Variants in NFIA observed in about 807,000 individuals in gnomAD.
The protein encoded by NFIA is nuclear factor I A, also known as nuclear factor 1 A-type.
A neutral mutation model predicts 62.8 loss-of-function variants in NFIA; 8 were observed. That is an observed-to-expected ratio of 0.13 (90% confidence interval 0.07 to 0.23). The LOEUF is 0.23. Among genes scored for constraint, NFIA ranks in the 10% least tolerant of loss-of-function variants. NFIA has a pLI of 1.00. For synonymous variants in NFIA, 235 were observed against 238.1 expected, an observed-to-expected ratio of 0.99 and a Z score of 0.12; for missense variants, 410 against 642.1, an observed-to-expected ratio of 0.64 and a Z score of 3.91.
intron 2 of NFIA, among the ~76,000 whole-genome samples, chr1:61,205,377 T>G (rs1652826299): frequency 6.6e-6 from 1 of 152,178 alleles, no homozygotes; most frequent in Non-Finnish European, 1.5e-5. Flanking sequence ...CTCAATTGTC[T>G]TAGCAGTTGT....
intron 2 of NFIA, among the ~76,000 whole-genome samples, chr1:61,257,386 G>A (rs1293849311): frequency 7.3e-6 from 1 of 136,346 alleles, no homozygotes. Context: ...CACCCAGGCT[G>A]GAGTGCAGTG....
chr1:61,189,740 C>T (rs188700565), intron 2 of NFIA, among the ~76,000 whole-genome samples: 1 of 152,270 alleles, frequency 6.6e-6, no homozygotes, highest in East Asian at 1.9e-4. Flanking sequence ...TCAGTAAGTT[C>T]ACTGCTAGTG....
Position 61,461,426 on chromosome 1 carries a change from T to A in NFIA, c.*6106T>A, listed in dbSNP as rs1364191993. On this transcript the variant is annotated 3_prime_UTR_variant, in exon 11 of 11. Transcript: ENST00000403491. Reference sequence around the variant, plus strand: ...GTTTGCTATTAACACGGGATTTTTTTAATATACTTTTTTTGGTCTAAATTT... The same window carrying A: ...GTTTGCTATTAACACGGGATTTTTTAAATATACTTTTTTTGGTCTAAATTT... 1 of 152,240 alleles carries A rather than the reference T, an allele frequency of 6.6e-6. No homozygotes were observed. Among genetic ancestry groups the A allele is most frequent in the Admixed American group, 6.5e-5 (1 of 15,282 alleles). 9.4% of individuals were successfully genotyped at this position (152,240 alleles called of 1,614,324 possible). A position where few individuals can be genotyped will look rare whatever the true frequency, so the allele number is the denominator to read the frequency against.
intron 2 of NFIA, among the ~76,000 whole-genome samples, chr1:61,146,660 T>C (rs1322646572): frequency 6.6e-6 from 1 of 152,198 alleles, no homozygotes; most frequent in Non-Finnish European, 1.5e-5. Flanking sequence ...TGTAAGTGAC[T>C]CCATGATCAA....
At chr1:61,433,049 T>C (rs909181703) in intron 10 of NFIA, among the ~76,000 whole-genome samples, 1 of 152,222 alleles carries the variant, frequency 6.6e-6, no homozygotes, top group Admixed American at 6.5e-5. Flanking sequence ...AATACTTATC[T>C]GCATCCCCAG....
chr1:61,114,015 T>A (rs1646753914), intron 2 of NFIA, among the ~76,000 whole-genome samples: 1 of 151,912 alleles, frequency 6.6e-6, no homozygotes, highest in Admixed American at 6.6e-5. Flanking sequence ...AAAACAAGAG[T>A]AGAGTGACAG....
intron 2 of NFIA, among the ~76,000 whole-genome samples, chr1:61,194,346 C>T (rs1335350657): frequency 6.6e-5 from 10 of 152,152 alleles, no homozygotes. Flanking sequence ...CTGAAAGACA[C>T]CATGTCTCAG....
In NFIA at chr1:61,422,577, C is replaced by T. The variant is rs183385827; in HGVS notation, c.1421-3888C>T. On this transcript the variant is annotated intron_variant, in intron 9 of 10. Coordinates refer to ENST00000403491, the MANE Select transcript of NFIA (RefSeq NM_001134673.4). The stretch of plus-strand genomic sequence containing the variant: ...ATTTGTTTGGCTAGCAGTCAGTAAG[C>T]CACATTCATTTCTGAGGACGTAGAG... 1.6e-3 allele frequency among the ~76,000 whole-genome samples: 241 copies of T among 152,118 alleles called. 1 individual carries two copies. Among genetic ancestry groups the T allele is most frequent in the African/African-American group, 5.6e-3 (233 of 41,514 alleles).
At chr1:61,425,293 G>A (rs79836337) in intron 9 of NFIA, among the ~76,000 whole-genome samples, 2,885 of 152,162 alleles carry the variant, frequency 0.019, 37 homozygotes, top group Non-Finnish European at 0.032. Flanking sequence ...AAAACAGAAA[G>A]CCAGAGTAAG....
chr1:61,118,945 C>T (rs867430447), intron 2 of NFIA, among the ~76,000 whole-genome samples: 7 of 151,842 alleles, frequency 4.6e-5, no homozygotes, highest in Non-Finnish European at 7.4e-5. Flanking sequence ...AGAGGAGGAT[C>T]GCTTTGATCT....
At chr1:61,297,912 G>A (rs1201945203) in intron 3 of NFIA, among the ~76,000 whole-genome samples, 1 of 152,142 alleles carries the variant, frequency 6.6e-6, no homozygotes, top group Non-Finnish European at 1.5e-5. Flanking sequence ...CACCCCCAAA[G>A]GCATAGTGTG....
At chr1:61,108,091 C>G (rs1252427611) in intron 2 of NFIA, among the ~76,000 whole-genome samples, 10 of 151,630 alleles carry the variant, frequency 6.6e-5, no homozygotes, top group Non-Finnish European at 1.5e-5. Flanking sequence ...TTTCACACCT[C>G]TTTTTGAAAT....
At chr1:61,174,523 G>T (rs947945203) in intron 2 of NFIA, among the ~76,000 whole-genome samples, 3 of 152,182 alleles carry the variant, frequency 2.0e-5, no homozygotes, top group Non-Finnish European at 1.5e-5. Flanking sequence ...TGTTACTCCT[G>T]GTCTCATCTG....
chr1:61,277,617 T>C, intron 3 of NFIA, 32 bp downstream of exon 3: 2 of 1,609,578 alleles, frequency 1.2e-6, no homozygotes, highest in African/African-American at 1.3e-5. Flanking sequence ...AGCTGCTGCT[T>C]TCAGAGTCCA....
chr1:61,380,319 C>A (rs17122052), intron 6 of NFIA, among the ~76,000 whole-genome samples: 2 of 152,034 alleles, frequency 1.3e-5, no homozygotes, highest in African/African-American at 4.8e-5. Context: ...TTACTTCATC[C>A]GTAGTCTTTT....
At chr1:61,115,115 G>A (rs907969641) in intron 2 of NFIA, among the ~76,000 whole-genome samples, 11 of 152,134 alleles carry the variant, frequency 7.2e-5, no homozygotes, top group Non-Finnish European at 1.2e-4. Flanking sequence ...GAGTAGCTGG[G>A]ATTACAGGCA....
chr1:61,342,212 A>G (rs1040963058), intron 4 of NFIA, among the ~76,000 whole-genome samples: 6 of 151,952 alleles, frequency 3.9e-5, no homozygotes, highest in African/African-American at 1.2e-4. Flanking sequence ...TTTTGTAAAC[A>G]GCTGAATTAG....
chr1:61,143,875 G>A (rs963583475), intron 2 of NFIA, among the ~76,000 whole-genome samples: 5 of 152,168 alleles, frequency 3.3e-5, no homozygotes, highest in African/African-American at 7.2e-5. Context: ...GTTGACATAA[G>A]GCCTCTGAGA....
intron 3 of NFIA, among the ~76,000 whole-genome samples, chr1:61,314,965 A>G (rs1296841289): frequency 6.6e-6 from 1 of 152,238 alleles, no homozygotes; most frequent in Non-Finnish European, 1.5e-5. Context: ...ATAGGTTGGC[A>G]TCAATAGATA....
Sources: allele counts gnomAD v4.1 joint callset (sites outside exome capture counted in the v4.1 genomes callset), GRCh38; gene constraint gnomAD v4.1.1; transcripts MANE v1.5; gene names NCBI Gene and HGNC (gene_info 2026-07-23, HGNC 2026-07-21).